The following SLC35D4 variants were observed in gnomAD, a reference collection of about 807,000 sequenced individuals.
The protein encoded by SLC35D4 is solute carrier family 35 member D4, also known as UDP-N-acetylglucosamine transporter SLC35D4.
At chr18:23,366,633 T>C in the SLC35D4 span, among the ~76,000 whole-genome samples, 1 of 152,328 alleles carries the variant, frequency 6.6e-6, no homozygotes, top group Admixed American at 6.5e-5. Flanking sequence ...GAATCCCTAG[T>C]TGGTGGTGAC....
the SLC35D4 span, among the ~76,000 whole-genome samples, chr18:23,416,141 G>C: frequency 6.6e-6 from 1 of 152,182 alleles, no homozygotes; most frequent in South Asian, 2.1e-4. Flanking sequence ...AACCCGGGAG[G>C]CAGAAGTTGA....
At chr18:23,292,381 C>T in the SLC35D4 span, among the ~76,000 whole-genome samples, 1 of 152,224 alleles carries the variant, frequency 6.6e-6, no homozygotes, top group Admixed American at 6.5e-5. Context: ...CCCAGTGCTC[C>T]TGGTTGCTCC....
the SLC35D4 span, among the ~76,000 whole-genome samples, chr18:23,255,140 A>T: frequency 1.3e-5 from 2 of 152,206 alleles, no homozygotes; most frequent in South Asian, 4.1e-4. Flanking sequence ...TGTGAGGCCC[A>T]TGGAGGAGGT....
the SLC35D4 span, among the ~76,000 whole-genome samples, chr18:23,279,096 C>T: frequency 6.6e-6 from 1 of 152,080 alleles, no homozygotes; most frequent in East Asian, 1.9e-4. Flanking sequence ...GTGCCTTTGT[C>T]TTCACAGAGA....
At chr18:23,335,368 T>A in the SLC35D4 span, among the ~76,000 whole-genome samples, 2 of 152,194 alleles carry the variant, frequency 1.3e-5, no homozygotes, top group African/African-American at 2.4e-5. Context: ...TTCATCTAGG[T>A]CTGCTTTGAC....
the SLC35D4 span, among the ~76,000 whole-genome samples, chr18:23,248,538 T>TTTA: frequency 1.6e-4 from 15 of 93,612 alleles, 1 homozygote; most frequent in African/African-American, 4.1e-4. Flanking sequence ...TTTTTTTTTT[T>TTTA]AAAAAAAGGC....
the SLC35D4 span, among the ~76,000 whole-genome samples, chr18:23,353,715 A>C: frequency 6.6e-6 from 1 of 152,172 alleles, no homozygotes; most frequent in Admixed American, 6.5e-5. Flanking sequence ...ACTCACACCC[A>C]AAAGGCAAAG....
At chr18:23,435,964 CGGA>C in the SLC35D4 span, among the ~76,000 whole-genome samples, 2 of 151,124 alleles carry the variant, frequency 1.3e-5, no homozygotes, top group East Asian at 3.9e-4. Context: ...CCAAAGTGCT[CGGA>C]TTACAGGCCT....
the SLC35D4 span, among the ~76,000 whole-genome samples, chr18:23,337,668 G>A: frequency 6.6e-6 from 1 of 152,050 alleles, no homozygotes; most frequent in African/African-American, 2.4e-5. Context: ...TGAGTTCATC[G>A]TATATTTCAA....
the SLC35D4 span, among the ~76,000 whole-genome samples, chr18:23,399,955 A>C: frequency 6.6e-6 from 1 of 152,262 alleles, no homozygotes; most frequent in Middle Eastern, 3.2e-3. Context: ...AGTGAACATT[A>C]TTCTTTGGAT....
chr18:23,418,307 T>C, the SLC35D4 span, among the ~76,000 whole-genome samples: 7 of 151,166 alleles, frequency 4.6e-5, no homozygotes, highest in African/African-American at 1.2e-4. Context: ...TTCTTAATAC[T>C]AGTTTTTTGC....
the SLC35D4 span, among the ~76,000 whole-genome samples, chr18:23,324,054 C>A: frequency 6.6e-6 from 1 of 151,166 alleles, no homozygotes; most frequent in Non-Finnish European, 1.5e-5. Context: ...CCGCACTCCA[C>A]CCTGGGCGAG....
chr18:23,428,834 T>A, the SLC35D4 span, among the ~76,000 whole-genome samples: 1 of 152,160 alleles, frequency 6.6e-6, no homozygotes, highest in East Asian at 1.9e-4. Context: ...CTTACTTACC[T>A]CTCTCCCTAA....
At chr18:23,371,039 A>C in the SLC35D4 span, among the ~76,000 whole-genome samples, 1 of 151,840 alleles carries the variant, frequency 6.6e-6, no homozygotes, top group South Asian at 2.1e-4. Context: ...TTATTCAAGT[A>C]AGCTTCCCTC....
At chr18:23,278,268 C>G in the SLC35D4 span, among the ~76,000 whole-genome samples, 2 of 152,168 alleles carry the variant, frequency 1.3e-5, no homozygotes, top group Admixed American at 6.5e-5. Flanking sequence ...CAGAAGGCGC[C>G]TGGAAGGGAA....
chr18:23,391,227 A>G, the SLC35D4 span, among the ~76,000 whole-genome samples: 1 of 151,950 alleles, frequency 6.6e-6, no homozygotes, highest in East Asian at 1.9e-4. Flanking sequence ...TGAAAGAAAA[A>G]AAAAAAAAGA....
the SLC35D4 span, among the ~76,000 whole-genome samples, chr18:23,337,981 T>C: frequency 6.6e-6 from 1 of 152,208 alleles, no homozygotes; most frequent in Admixed American, 6.5e-5. Flanking sequence ...ATGGGAGACA[T>C]GGTCAGGGAT....
chr18:23,346,510 C>A, the SLC35D4 span, among the ~76,000 whole-genome samples: 1 of 150,040 alleles, frequency 6.7e-6, no homozygotes, highest in East Asian at 1.9e-4. Flanking sequence ...CCTTTCCAAT[C>A]TGGATGCTTT....
the SLC35D4 span, among the ~76,000 whole-genome samples, chr18:23,272,308 G>C: frequency 6.2e-4 from 95 of 152,112 alleles, no homozygotes; most frequent in Middle Eastern, 0.014. Flanking sequence ...ATTCCTTGTC[G>C]GTCTCTTCCA....
Sources: gnomAD v4.1 joint callset for allele counts (sites outside exome capture counted in the v4.1 genomes callset) on GRCh38, gnomAD v4.1.1 for gene constraint, MANE v1.5 for transcripts, NCBI Gene and HGNC (gene_info 2026-07-23, HGNC 2026-07-21) for gene names.